TBC1D8: variants seen among roughly 807,000 people sequenced by gnomAD.
TBC1D8 encodes the protein BUB2-like protein 1.
TBC1D8 carries 65 observed loss-of-function variants against 118.8 expected under a neutral mutation model. The ratio of observed to expected loss-of-function variants is 0.55; its 90% CI spans 0.45 to 0.67. TBC1D8 has a LOEUF of 0.67. Among genes scored for constraint, TBC1D8 ranks in the 30% least tolerant of loss-of-function variants. The probability of loss-of-function intolerance (pLI) is 0.00; values close to 1 mark genes in which losing one functional copy is unlikely to be tolerated. For missense variants in TBC1D8, 1,376 were observed against 1,471.2 expected (o/e 0.94, Z 1.06); for synonymous variants, 566 against 595.8 (o/e 0.95, Z 0.73).
chr2:101,120,776 T>C (rs1162096784), intron 1 of TBC1D8, among the ~76,000 whole-genome samples: 2 of 152,222 alleles, frequency 1.3e-5, no homozygotes, highest in African/African-American at 4.8e-5. Flanking sequence ...GACTCATGTC[T>C]GACCTTAACA....
At chr2:101,045,030 A>T (rs1681611820) in intron 5 of TBC1D8, among the ~76,000 whole-genome samples, 1 of 152,200 alleles carries the variant, frequency 6.6e-6, no homozygotes, top group Non-Finnish European at 1.5e-5. Flanking sequence ...TACCGCGCCC[A>T]GCCCAACCAC....
At position 101,009,115 on chromosome 2, in the gene TBC1D8, CG is replaced by C. The variant is rs766272684; in HGVS notation, c.3016-843del. ...GAATAGAAAAATGGTTGGGTATGGC[CG>C]GGTGCGGTGGCTCATGCCTGTAATC... On this transcript the variant is annotated intron_variant, in intron 19 of 19. Coordinates refer to ENST00000409318, the MANE Select transcript of TBC1D8 (RefSeq NM_001330348.2). 5.3e-5 allele frequency among the ~76,000 whole-genome samples: 8 copies of C among 151,856 alleles called. No individual in the cohort carries two copies. The East Asian group carries it at 1.2e-3, about 22-fold the overall frequency.
intron 5 of TBC1D8, among the ~76,000 whole-genome samples, chr2:101,044,266 C>T (rs953506282): frequency 6.6e-6 from 1 of 152,116 alleles, no homozygotes; most frequent in African/African-American, 2.4e-5. Context: ...TTTCACCATT[C>T]GTTAAATATG....
Position 101,100,307 on chromosome 2 carries a change from G to A in TBC1D8, c.128-9943C>T, listed in dbSNP as rs116793482. On this transcript the variant is annotated intron_variant, in intron 1 of 19. Coordinates refer to ENST00000409318, the MANE Select transcript of TBC1D8 (RefSeq NM_001330348.2). ...ATACCTAGGAATACAGCTAACAAGC[G>A]ATGTGAAGGGTCTCTTCAAAGAGAA... Among the ~76,000 whole-genome samples, 1,112 of 152,214 alleles carry A rather than the reference G, an allele frequency of 7.3e-3. 16 individuals are homozygous for A. Among genetic ancestry groups the A allele is most frequent in the African/African-American group, 0.025 (1,056 of 41,536 alleles).
intron 2 of TBC1D8, among the ~76,000 whole-genome samples, chr2:101,070,019 G>A (rs920233124): frequency 6.0e-5 from 9 of 150,394 alleles, no homozygotes; most frequent in African/African-American, 9.8e-5. Flanking sequence ...GGGTTGAGGC[G>A]ATTCTCCTGC....
chr2:101,010,150 AAAC>A (rs1679096235), intron 19 of TBC1D8, among the ~76,000 whole-genome samples: 1 of 152,136 alleles, frequency 6.6e-6, no homozygotes, highest in Non-Finnish European at 1.5e-5. Flanking sequence ...TACATTTCCT[AAAC>A]ATTGGGAGGA....
chr2:101,057,767 T>C (rs1682523146), intron 3 of TBC1D8, among the ~76,000 whole-genome samples: 2 of 152,166 alleles, frequency 1.3e-5, no homozygotes, highest in Admixed American at 6.6e-5. Context: ...AAGGCTGATG[T>C]GAGCCACGAT....
chr2:101,019,186 C>A, intron 17 of TBC1D8: 4 of 1,087,402 alleles, frequency 3.7e-6, no homozygotes, highest in East Asian at 2.6e-5. Context: ...TCTACACGGC[C>A]GGGGTTTCAA....
chr2:101,073,281 ATTTTATTTTATTTTATTTAT>A (rs1457421515), intron 2 of TBC1D8, among the ~76,000 whole-genome samples: 40 of 143,670 alleles, frequency 2.8e-4, no homozygotes, highest in Non-Finnish European at 2.4e-4. Context: ...TTTTTATTTT[ATTTTATTTTATTTTATTTAT>A]TTTTTTTTTT....
chr2:101,071,506 G>A (rs898904916), intron 2 of TBC1D8, among the ~76,000 whole-genome samples: 4 of 152,336 alleles, frequency 2.6e-5, no homozygotes, highest in Admixed American at 2.6e-4. Context: ...TTAAGTAAAT[G>A]TAAAGCTTTG....
intron 4 of TBC1D8, among the ~76,000 whole-genome samples, chr2:101,053,243 C>A (rs1682180326): frequency 6.6e-6 from 1 of 152,094 alleles, no homozygotes; most frequent in Non-Finnish European, 1.5e-5. Context: ...AAAAGCATTT[C>A]AAAAAGAAGG....
intron 1 of TBC1D8, among the ~76,000 whole-genome samples, chr2:101,142,450 TG>T (rs1167945839): frequency 5.9e-5 from 9 of 152,184 alleles, no homozygotes; most frequent in African/African-American, 2.2e-4. Flanking sequence ...AATGTATACC[TG>T]TGTGAACACT....
chr2:101,051,084 G>A (rs1263004125), intron 4 of TBC1D8, among the ~76,000 whole-genome samples: 3 of 152,184 alleles, frequency 2.0e-5, no homozygotes, highest in Non-Finnish European at 2.9e-5. Context: ...CAAAGGACAT[G>A]AGCTCATTCT....
intron 2 of TBC1D8, among the ~76,000 whole-genome samples, chr2:101,078,505 C>G (rs988081644): frequency 6.6e-6 from 1 of 151,982 alleles, no homozygotes; most frequent in African/African-American, 2.4e-5. Context: ...CCATATTTTT[C>G]AGAGATGTTT....
At chr2:101,076,416 C>T (rs1295692405) in intron 2 of TBC1D8, among the ~76,000 whole-genome samples, 1 of 152,206 alleles carries the variant, frequency 6.6e-6, no homozygotes, top group African/African-American at 2.4e-5. Flanking sequence ...CCAGATGATA[C>T]GTGCCTCCTG....
intron 2 of TBC1D8, among the ~76,000 whole-genome samples, chr2:101,089,212 T>C (rs190203287): frequency 6.6e-6 from 1 of 152,132 alleles, no homozygotes; most frequent in African/African-American, 2.4e-5. Flanking sequence ...AATTTTTTTT[T>C]ATTTAAATCT....
chr2:101,069,292 CAA>C (rs774980964), intron 2 of TBC1D8, among the ~76,000 whole-genome samples: 2 of 98,272 alleles, frequency 2.0e-5, no homozygotes. Flanking sequence ...GATTACGTCT[CAA>C]AAAAAAAAAA....
At chr2:101,108,100 G>A (rs1052100212) in intron 1 of TBC1D8, among the ~76,000 whole-genome samples, 14 of 141,722 alleles carry the variant, frequency 9.9e-5, no homozygotes, top group African/African-American at 3.6e-4. Flanking sequence ...GGAGGGAGGG[G>A]AGGGGAGGGG....
chr2:101,106,881 G>A (rs2592392), intron 1 of TBC1D8, among the ~76,000 whole-genome samples: 93,824 of 152,084 alleles, frequency 0.62, 29,118 homozygotes, highest in East Asian at 0.81. Context: ...CTTTGTTATA[G>A]AATATGCTTT....
Sources: allele counts gnomAD v4.1 joint callset (sites outside exome capture counted in the v4.1 genomes callset), GRCh38; gene constraint gnomAD v4.1.1; transcripts MANE v1.5; gene names NCBI Gene and HGNC (gene_info 2026-07-23, HGNC 2026-07-21).